GARS1: variants seen among roughly 807,000 people sequenced by gnomAD.
The protein encoded by GARS1 is glycyl-tRNA synthetase 1.
A neutral mutation model predicts 86.4 loss-of-function variants in GARS1; 46 were observed. The ratio of observed to expected loss-of-function variants is 0.53; its 90% confidence interval spans 0.42 to 0.68. GARS1 has a LOEUF of 0.68. Among genes scored for constraint, GARS1 ranks in the 30% least tolerant of loss-of-function variants. The probability of loss-of-function intolerance (pLI) is 0.00; values close to 1 mark genes in which losing one functional copy is unlikely to be tolerated. For missense variants in GARS1, 797 were observed against 915.6 expected (o/e 0.87, Z 1.67); for synonymous variants, 342 against 329.8 (o/e 1.04, Z -0.40).
At chr7:30,620,892 A>C (rs776468642) in intron 10 of GARS1, among the ~76,000 whole-genome samples, 6 of 152,228 alleles carry the variant, frequency 3.9e-5, no homozygotes, top group Non-Finnish European at 7.3e-5. Context: ...TCTGTTCACA[A>C]ATTTGAACCA....
chr7:30,611,955 TA>T, intron 7 of GARS1, 140 bp from the exon 8 acceptor site: 1 of 784,984 alleles, frequency 1.3e-6, no homozygotes, highest in Non-Finnish European at 2.2e-6. Flanking sequence ...AAAATATTTC[TA>T]AAACTTCATT....
At chr7:30,630,212 A>G (rs1194816068) in intron 14 of GARS1, among the ~76,000 whole-genome samples, 4 of 152,262 alleles carry the variant, frequency 2.6e-5, no homozygotes, top group Non-Finnish European at 5.9e-5. Flanking sequence ...TATTAAATAG[A>G]AATATCACAA....
chr7:30,615,803 C>A (rs1290662710), intron 8 of GARS1, 93 bp from the exon 9 acceptor site: 1 of 1,393,078 alleles, frequency 7.2e-7, no homozygotes. Context: ...GCCTTTATCA[C>A]TAGAATGCAG....
rs192659387 is a variant in GARS1 at position 30,619,343 on chromosome 7, G to A, written c.1360-2050G>A. On this transcript the variant is annotated intron_variant, in intron 10 of 16. Transcript: ENST00000389266. ...AGTCCCAGAGGCTCTTAAGGAGAGGGGAGAACTCCCTTAGAGAGTTTAATA... is the reference window on the plus strand; with the variant it reads ...AGTCCCAGAGGCTCTTAAGGAGAGGAGAGAACTCCCTTAGAGAGTTTAATA... 4.9e-3 allele frequency among the ~76,000 whole-genome samples: 743 copies of A among 152,186 alleles called. 21 individuals carry two copies. Among genetic ancestry groups the A allele is most frequent in the Admixed American group, 0.045 (682 of 15,290 alleles).
At position 30,633,871 on chromosome 7, in the gene GARS1, G is replaced by A; in HGVS notation, c.*11G>A. ...ACAATCGAGGAATGAGGACAATTTT[G>A]ACAACTTTTGACCACTTGCGCTAAT... is the stretch of plus-strand genomic sequence containing the variant. On this transcript the variant is annotated 3_prime_UTR_variant, in exon 17 of 17. Transcript: ENST00000389266. 6.6e-7 allele frequency: 1 copy of A among 1,504,028 alleles called. No homozygotes were observed. Among genetic ancestry groups the A allele is most frequent in the Non-Finnish European group, 9.0e-7 (1 of 1,112,460 alleles). The allele number at this position is 1,504,028 out of a possible 1,614,324, so 93.2% of individuals were successfully genotyped here. A position where few individuals can be genotyped will look rare whatever the true frequency, so the allele number is the denominator to read the frequency against.
intron 10 of GARS1, among the ~76,000 whole-genome samples, chr7:30,617,670 T>C (rs1021072262): frequency 1.3e-5 from 2 of 152,198 alleles, no homozygotes; most frequent in Non-Finnish European, 2.9e-5. Context: ...CTTAGCTCAA[T>C]GAGCTATGTA....
At chr7:30,626,631 A>C (rs1783133928) in intron 13 of GARS1, among the ~76,000 whole-genome samples, 1 of 152,300 alleles carries the variant, frequency 6.6e-6, no homozygotes, top group East Asian at 1.9e-4. Flanking sequence ...GATTACAGGC[A>C]TGAGTGACCA....
At chr7:30,625,356 C>T (rs115584386) in intron 12 of GARS1, among the ~76,000 whole-genome samples, 202 of 152,312 alleles carry the variant, frequency 1.3e-3, no homozygotes, top group African/African-American at 4.5e-3. Flanking sequence ...CACACACAGA[C>T]TTCAGACAGA....
chr7:30,633,578 G>T (rs1270903153), intron 16 of GARS1, among the ~76,000 whole-genome samples, 157 bp from the exon 17 acceptor site: 1 of 152,166 alleles, frequency 6.6e-6, no homozygotes. Flanking sequence ...GAGTTGTCTG[G>T]GGGAACTGGT....
chr7:30,615,446 T>A (rs1317945725), intron 8 of GARS1, among the ~76,000 whole-genome samples: 5 of 152,246 alleles, frequency 3.3e-5, no homozygotes, highest in Non-Finnish European at 7.3e-5. Context: ...TTATTTCTTA[T>A]TTTTCATGTG....
intron 6 of GARS1, 68 bp from the exon 7 acceptor site, chr7:30,609,517 T>C: frequency 7.4e-7 from 1 of 1,352,496 alleles, no homozygotes; most frequent in Non-Finnish European, 1.1e-6. Context: ...TAGGGTTATA[T>C]ATAATACTTT....
At position 30,621,486 on chromosome 7, in the gene GARS1, C is replaced by A. The variant is rs756276908; in HGVS notation, c.1453C>A (p.Pro485Thr). 1 of 1,613,866 alleles carries A rather than the reference C, an allele frequency of 6.2e-7. No homozygotes were observed. Among genetic ancestry groups the A allele is most frequent in the East Asian group, 2.2e-5 (1 of 44,890 alleles). Residue 485 changes from proline (P) to threonine (T), a missense_variant, in exon 11 of 17, where the codon CCT (proline) becomes ACT (threonine). Coordinates refer to ENST00000389266, the MANE Select transcript of GARS1 (RefSeq NM_002047.4). ...ATKVPLVAEK[P>T]LKEPKTVNVV... ...CAAAGTCCCACTTGTAGCTGAGAAA[C>A]CTCTGAAAGAACCCATATCCTTTCT...
At chr7:30,628,212 C>T (rs1210610943) in intron 13 of GARS1, among the ~76,000 whole-genome samples, 2 of 147,844 alleles carry the variant, frequency 1.4e-5, no homozygotes, top group African/African-American at 5.0e-5. Context: ...GAGATGAAGT[C>T]TCGCCCTTGC....
intron 4 of GARS1, among the ~76,000 whole-genome samples, chr7:30,601,683 C>A (rs78814210): frequency 6.6e-6 from 1 of 152,134 alleles, no homozygotes; most frequent in African/African-American, 2.4e-5. Flanking sequence ...CAAAGGTATA[C>A]TTGTAGAGAT....
rs182193288 is a variant in GARS1 at position 30,600,586 on chromosome 7, T to G, written c.428-473T>G. On this transcript the variant is annotated intron_variant, in intron 3 of 16. Transcript: ENST00000389266. ...AGTCAACGGATTATTACAACAACATTAGACATATAGTACTTTGCCACTGAA... is the reference window on the plus strand; with the variant it reads ...AGTCAACGGATTATTACAACAACATGAGACATATAGTACTTTGCCACTGAA... 2.0e-5 allele frequency among the ~76,000 whole-genome samples: 3 copies of G among 152,362 alleles called. No homozygotes were observed. The East Asian group carries it at 5.8e-4, about 29-fold the overall frequency.
In GARS1 at chr7:30,620,721, A is replaced by G. The variant is rs1191363427; in HGVS notation, c.1360-672A>G. 6.6e-5 allele frequency among the ~76,000 whole-genome samples: 10 copies of G among 152,222 alleles called. No homozygotes were observed. The East Asian group carries it at 1.9e-3, about 29-fold the overall frequency. ...TGACCTGAACTTTACCCACTCTTATACTGAGTTTTCTTTTGTTCAGTGAAG... is the reference window on the plus strand; with the variant it reads ...TGACCTGAACTTTACCCACTCTTATGCTGAGTTTTCTTTTGTTCAGTGAAG... On this transcript the variant is annotated intron_variant, in intron 10 of 16. Coordinates refer to ENST00000389266, the MANE Select transcript of GARS1 (RefSeq NM_002047.4).
intron 8 of GARS1, among the ~76,000 whole-genome samples, chr7:30,612,854 T>C (rs1326921104): frequency 6.6e-6 from 1 of 152,204 alleles, no homozygotes; most frequent in East Asian, 1.9e-4. Context: ...GGAAGGCATA[T>C]TGGGGCTGGT....
intron 11 of GARS1, chr7:30,622,110 T>C: frequency 1.7e-6 from 1 of 597,988 alleles, no homozygotes; most frequent in East Asian, 3.0e-5. Context: ...TGGAAAAGTT[T>C]CTATTGATGG....
chr7:30,613,493 T>C (rs1203726527), intron 8 of GARS1, among the ~76,000 whole-genome samples: 1 of 152,262 alleles, frequency 6.6e-6, no homozygotes, highest in Non-Finnish European at 1.5e-5. Flanking sequence ...TGACCTTGTC[T>C]GAAGCCAGTG....
Sources: allele counts gnomAD v4.1 joint callset (sites outside exome capture counted in the v4.1 genomes callset), GRCh38; gene constraint gnomAD v4.1.1; transcripts MANE v1.5; gene names NCBI Gene and HGNC (gene_info 2026-07-23, HGNC 2026-07-21).